Variants in SACS observed in about 807,000 individuals in gnomAD.
SACS encodes the protein sacsin molecular chaperone, also known as sacsin.
A neutral mutation model predicts 348.0 loss-of-function variants in SACS; 197 were observed. The ratio of observed to expected loss-of-function variants is 0.57; its 90% confidence interval spans 0.50 to 0.64. SACS has a LOEUF of 0.64. Among genes scored for constraint, SACS ranks in the 30% least tolerant of loss-of-function variants. The pLI is 0.00. For synonymous variants in SACS, 1,985 were observed against 1,910.6 expected (o/e 1.04, Z -1.02); for missense variants, 4,999 against 5,360.8 (o/e 0.93, Z 2.11).
intron 2 of SACS, among the ~76,000 whole-genome samples, chr13:23,386,087 C>A (rs1176681030): frequency 6.6e-6 from 1 of 152,184 alleles, no homozygotes; most frequent in Admixed American, 6.5e-5. Context: ...AATGCTTAAG[C>A]GCCCTAGGAT....
Position 23,333,415 on chromosome 13 carries a change from A to AT in SACS, c.10460dup (p.Asn3487LysfsTer5). ...GCTCTAATTTTGCATCATAAGAGAG[A>AT]TTTTCAATTTTTGGTAAGAGGTGTT... On this transcript the variant is annotated frameshift_variant, in exon 10 of 10. Coordinates refer to ENST00000382292, the MANE Select transcript of SACS (RefSeq NM_014363.6). LOFTEE classifies it high-confidence loss of function. 6.2e-7 allele frequency: 1 copy of AT among 1,609,886 alleles called. No individual in the cohort carries two copies. The highest frequency in any genetic ancestry group is 8.5e-7 in the Non-Finnish European group (1 of 1,178,436).
Position 23,371,146 on chromosome 13 carries a change from A to C in SACS, c.191T>G (p.Ile64Ser). Residue 64 changes from isoleucine (I) to serine (S), a missense_variant, in exon 4 of 10, where the codon ATT becomes AGT. By Grantham distance (142) the Ile-to-Ser change is moderately radical. Transcript: ENST00000382292. ...ACAATTTTTGGAAGTCAGATCTCCA[A>C]TCTTGATCCAGTCAGATAACTGAAA... ...GGRELSDWIK[I>S]GDLTSKNCHL... The C allele has an allele frequency of 6.2e-7, 1 of 1,611,148 alleles. No individual in the cohort carries two copies. The highest frequency in any genetic ancestry group is 8.5e-7 in the Non-Finnish European group (1 of 1,177,590).
chr13:23,355,396 T>C lies in SACS; in HGVS notation c.1216A>G (p.Lys406Glu). The C allele has an allele frequency of 1.2e-6, 2 of 1,614,172 alleles. No individual in the cohort carries two copies. Among genetic ancestry groups the C allele is most frequent in the Non-Finnish European group, 1.7e-6 (2 of 1,180,038 alleles). ...NSVGGRGISS[K>E]LDSLADELKF... ...AGTTCATCAGCTAAAGAGTCAAGCT[T>C]ACTACTGATCCCTCGCCCACCCACA... Residue 406 changes from lysine to glutamate, a missense_variant, in exon 8 of 10, where the codon AAG (lysine) becomes GAG (glutamate). Transcript: ENST00000382292.
In SACS at chr13:23,330,262, G is replaced by A. The variant is rs927804920; in HGVS notation, c.13614C>T (p.Tyr4538=). ...TCTGAGGAAAGGGAAGCAAATCAGG[G>A]TATCTTGTTTTTAAACTGTCTACAC... The part of the protein sequence containing the change: ...AYGVDSLKTR[Y]PDLLPFPQIP... The change falls in exon 10 of 10, where the codon TAC becomes TAT. Residue 4538 remains tyrosine, a synonymous_variant. Coordinates refer to ENST00000382292, the MANE Select transcript of SACS (RefSeq NM_014363.6). The A allele has an allele frequency of 1.2e-6, 2 of 1,614,148 alleles. No homozygotes were observed. The highest frequency in any genetic ancestry group is 2.2e-5 in the East Asian group (1 of 44,884).
chr13:23,338,741 A>G lies in SACS; in HGVS notation c.5135T>C (p.Val1712Ala). Residue 1712 changes from valine (V) to alanine (A), a missense_variant, in exon 10 of 10, where the codon GTA becomes GCA. Physicochemically the swap from Val to Ala is moderately conservative, Grantham distance 64. Around this residue, in one of 6 missense-constraint regions of SACS, gnomAD observed 3,156 missense variants for 3,380.1 expected, o/e 0.93. Transcript: ENST00000382292. ...ETNPSLAQDT[V>A]IIKKKSCSSK... ...AGAGCAGGATTTTTTTTTAATTATT[A>G]CTGTATCTTGTGCTAAACTGGGGTT... 1 of 1,610,016 alleles carries G rather than the reference A, an allele frequency of 6.2e-7. No individual in the cohort carries two copies.
intron 2 of SACS, among the ~76,000 whole-genome samples, chr13:23,382,724 A>G (rs548256893): frequency 1.3e-5 from 2 of 151,756 alleles, no homozygotes; most frequent in South Asian, 4.2e-4. Flanking sequence ...AAATTTGAAA[A>G]CCATTTAGGG....
chr13:23,337,297 A>G lies in SACS; in HGVS notation c.6579T>C (p.Asp2193=), dbSNP rs746075355. Residue 2193 remains aspartate, a synonymous_variant, in exon 10 of 10, where the codon GAT becomes GAC. Transcript: ENST00000382292. ...TAGGATCCCTTATTTTTAGTTTCTC[A>G]TCGATAAGACTCAATAAGATACTAC... ...LRSSILLSLI[D]EKLKIRDPRA... 2 of 1,613,650 alleles carry G rather than the reference A, an allele frequency of 1.2e-6. No individual in the cohort carries two copies. Among genetic ancestry groups the G allele is most frequent in the South Asian group, 2.2e-5 (2 of 91,058 alleles).
intron 2 of SACS, chr13:23,375,679 C>A: frequency 3.7e-6 from 2 of 543,986 alleles, no homozygotes; most frequent in South Asian, 8.0e-5. Context: ...CCAGGGAACG[C>A]CCATCCAGGC....
rs1057517039 is a variant in SACS, at chr13:23,340,519, AG to A, written c.3356del (p.Pro1119LeufsTer7). On this transcript the variant is annotated frameshift_variant, in exon 10 of 10. Coordinates refer to ENST00000382292, the MANE Select transcript of SACS (RefSeq NM_014363.6). LOFTEE classifies it high-confidence loss of function. ...KIEALQVGAC[P>X]DQDVLLKKAK... ...CTTTCTTCAGAAGAACATCTTGATC[AG>A]GACAAGCACCGACCTGTAAGGCTTC... is the stretch of plus-strand genomic sequence containing the variant. The A allele has an allele frequency of 5.6e-6, 9 of 1,611,328 alleles. No individual in the cohort carries two copies. Among genetic ancestry groups the A allele is most frequent in the African/African-American group, 2.7e-5 (2 of 74,680 alleles).
chr13:23,369,575 CCTT>C (rs1054225968), intron 4 of SACS, among the ~76,000 whole-genome samples: 1 of 150,946 alleles, frequency 6.6e-6, no homozygotes, highest in African/African-American at 2.4e-5. Context: ...GACGGACTCT[CCTT>C]CTATTGCTCA....
intron 2 of SACS, among the ~76,000 whole-genome samples, chr13:23,405,664 C>T (rs1244141738): frequency 6.6e-6 from 1 of 151,668 alleles, no homozygotes; most frequent in East Asian, 1.9e-4. Flanking sequence ...GGCTAATATC[C>T]AGAATCTACA....
chr13:23,412,565 C>A (rs765447206), intron 1 of SACS, among the ~76,000 whole-genome samples: 11 of 151,950 alleles, frequency 7.2e-5, no homozygotes, highest in Non-Finnish European at 1.6e-4. Context: ...AGGCGCCTGC[C>A]CTCACACTCA....
intron 6 of SACS, among the ~76,000 whole-genome samples, chr13:23,364,599 A>G (rs544157858): frequency 4.6e-5 from 7 of 152,340 alleles, no homozygotes; most frequent in African/African-American, 1.7e-4. Context: ...ACTACAATTT[A>G]TGAACATTCT....
chr13:23,402,110 G>A (rs370267024), intron 2 of SACS, among the ~76,000 whole-genome samples: 15 of 152,006 alleles, frequency 9.9e-5, no homozygotes, highest in African/African-American at 3.6e-4. Context: ...CCTGGAAGGC[G>A]GAGCTTGCAG....
intron 1 of SACS, chr13:23,428,091 G>A (rs1189461514): frequency 1.3e-5 from 2 of 152,172 alleles, no homozygotes; most frequent in Non-Finnish European, 2.9e-5. Context: ...TTTGAGAAAG[G>A]AATAGAGGCA....
intron 2 of SACS, among the ~76,000 whole-genome samples, chr13:23,391,538 C>T (rs145098419): frequency 1.4e-3 from 211 of 148,852 alleles, no homozygotes; most frequent in Non-Finnish European, 2.6e-3. Flanking sequence ...AGGTCACTGT[C>T]CTTCTCAGGG....
chr13:23,397,152 T>TA (rs34788952), intron 2 of SACS, among the ~76,000 whole-genome samples: 44,476 of 151,790 alleles, frequency 0.29, 6,742 homozygotes, highest in East Asian at 0.44. Context: ...TTCTCTCTGT[T>TA]AAAAAAAGGT....
Position 23,354,521 on chromosome 13 carries a change from T to A in SACS, c.2091A>T (p.Pro697=). 6.2e-7 allele frequency: 1 copy of A among 1,613,878 alleles called. No individual in the cohort carries two copies. Among genetic ancestry groups the A allele is most frequent in the East Asian group, 2.2e-5 (1 of 44,884 alleles). Residue 697 remains proline (P), a splice_region_variant and synonymous_variant, in exon 8 of 10, where the codon CCA becomes CCT. Coordinates refer to ENST00000382292, the MANE Select transcript of SACS (RefSeq NM_014363.6). ...AATGTTAGAAGGGGGACCCCTACCT[T>A]GGATATTCTGCTGAGGTAATATAAA... The part of the protein sequence containing the change: ...DVIYITSAEY[P]RSLFPSLEGR...
At chr13:23,343,379 T>C (rs1187210736) in intron 9 of SACS, among the ~76,000 whole-genome samples, 1 of 152,106 alleles carries the variant, frequency 6.6e-6, no homozygotes, top group African/African-American at 2.4e-5. Flanking sequence ...CCTATGTACA[T>C]ATGACTTCTA....
Sources: allele counts gnomAD v4.1 joint callset (sites outside exome capture counted in the v4.1 genomes callset), GRCh38; gene constraint gnomAD v4.1.1; regional missense constraint gnomAD v4.1.1; transcripts MANE v1.5; gene names NCBI Gene and HGNC (gene_info 2026-07-23, HGNC 2026-07-21).